The following MIPOL1 variants were observed in gnomAD, a reference collection of about 807,000 sequenced individuals.
MIPOL1 encodes mirror-image polydactyly gene 1 protein.
A neutral mutation model predicts 60.9 loss-of-function variants in MIPOL1; 57 were observed. The ratio of observed to expected loss-of-function variants is 0.94; its 90% CI spans 0.76 to 1.17. The LOEUF (loss-of-function observed/expected upper bound fraction) is 1.17. MIPOL1 is among the 50% of genes most tolerant of loss of function. The probability of loss-of-function intolerance (pLI) is 0.00; values close to 1 mark genes in which losing one functional copy is unlikely to be tolerated. For missense variants in MIPOL1, 551 were observed against 511.6 expected (o/e 1.08, Z -0.74); for synonymous variants, 179 against 168.8 (o/e 1.06, Z -0.47).
chr14:37,472,692 A>G (rs1284487083), intron 11 of MIPOL1, among the ~76,000 whole-genome samples: 1 of 152,118 alleles, frequency 6.6e-6, no homozygotes, highest in Non-Finnish European at 1.5e-5. Flanking sequence ...TAAGGCATCA[A>G]CATCCTATTG....
At chr14:37,297,530 T>A (rs1217984178) in intron 7 of MIPOL1, among the ~76,000 whole-genome samples, 2 of 152,196 alleles carry the variant, frequency 1.3e-5, no homozygotes, top group Non-Finnish European at 2.9e-5. Context: ...TGTTTGCAGA[T>A]GACATGATTG....
At chr14:37,507,768 A>G (rs527703855) in intron 12 of MIPOL1, 2 of 152,314 alleles carry the variant, frequency 1.3e-5, no homozygotes, top group African/African-American at 4.8e-5. Flanking sequence ...ATTAATAAAT[A>G]AAGTAACTTT....
At chr14:37,546,806 C>T in intron 12 of MIPOL1, 99 bp from the exon 13 acceptor site, 1 of 910,912 alleles carries the variant, frequency 1.1e-6, no homozygotes, top group Non-Finnish European at 1.8e-6. Context: ...GTGAGGACTG[C>T]TTGGTCACAG....
At chr14:37,248,038 T>C (rs1973454036) in intron 3 of MIPOL1, 131 bp downstream of exon 3, 1 of 749,334 alleles carries the variant, frequency 1.3e-6, no homozygotes, top group African/African-American at 1.8e-5. Context: ...ACACAAAACA[T>C]GCACACAGAG....
intron 12 of MIPOL1, among the ~76,000 whole-genome samples, chr14:37,524,559 C>CTTTTTTTT (rs1171387928): frequency 5.4e-5 from 1 of 18,500 alleles, no homozygotes; most frequent in Non-Finnish European, 9.0e-5. Context: ...CTTAATTTTT[C>CTTTTTTTT]TTTTTCTTTT....
chr14:37,269,689 T>C (rs988027058), intron 5 of MIPOL1, among the ~76,000 whole-genome samples: 2 of 152,212 alleles, frequency 1.3e-5, no homozygotes, highest in African/African-American at 4.8e-5. Context: ...GATTATTGTC[T>C]TAATTTTGTT....
chr14:37,311,212 G>A (rs1157595898), intron 9 of MIPOL1, among the ~76,000 whole-genome samples: 1 of 152,120 alleles, frequency 6.6e-6, no homozygotes, highest in Admixed American at 6.6e-5. Flanking sequence ...GATGATTTTT[G>A]CATTAAATCT....
At chr14:37,452,670 A>T (rs1249043243) in intron 11 of MIPOL1, among the ~76,000 whole-genome samples, 1 of 152,238 alleles carries the variant, frequency 6.6e-6, no homozygotes, top group African/African-American at 2.4e-5. Context: ...GAATATTGTG[A>T]AAATAAGGAA....
At chr14:37,432,513 A>G (rs1474942751) in intron 11 of MIPOL1, among the ~76,000 whole-genome samples, 1 of 152,206 alleles carries the variant, frequency 6.6e-6, no homozygotes, top group Non-Finnish European at 1.5e-5. Context: ...GATGACATGA[A>G]CCTAGTCCAG....
chr14:37,267,216 G>GA, intron 4 of MIPOL1, 47 bp downstream of exon 4: 2 of 1,442,974 alleles, frequency 1.4e-6, no homozygotes, highest in Non-Finnish European at 1.9e-6. Flanking sequence ...GGCCAGGCGT[G>GA]GTGGCTCATG....
intron 12 of MIPOL1, among the ~76,000 whole-genome samples, chr14:37,509,024 A>T (rs190112803): frequency 6.6e-6 from 1 of 151,700 alleles, no homozygotes; most frequent in Admixed American, 6.6e-5. Context: ...TCTTTCGGGG[A>T]TTACATCTCC....
rs2093742006 is a variant in MIPOL1 at position 37,415,133 on chromosome 14, G to T, written c.937-7722G>T. Among the ~76,000 whole-genome samples, 4 of 151,632 alleles carry T rather than the reference G, an allele frequency of 2.6e-5. No individual in the cohort carries two copies. In the South Asian group the frequency reaches 8.3e-4, roughly 32 times the overall value. On this transcript the variant is annotated intron_variant, in intron 10 of 12. Transcript: ENST00000684589. ...GCTGTAATACTACTTTTTTGCCAGG[G>T]GTCTGTAAAGTTGAGGGAAACACCA...
chr14:37,286,393 G>A (rs1283841716), intron 7 of MIPOL1, among the ~76,000 whole-genome samples: 1 of 152,142 alleles, frequency 6.6e-6, no homozygotes, highest in African/African-American at 2.4e-5. Context: ...GGTTGGGACT[G>A]GAGATTCTGT....
At chr14:37,485,950 T>G (rs1444693738) in intron 11 of MIPOL1, among the ~76,000 whole-genome samples, 1 of 152,144 alleles carries the variant, frequency 6.6e-6, no homozygotes, top group African/African-American at 2.4e-5. Context: ...TCTTCTAGGG[T>G]TTTTATGGTT....
intron 1 of MIPOL1, among the ~76,000 whole-genome samples, chr14:37,202,251 TG>T (rs989963695): frequency 1.3e-5 from 2 of 152,190 alleles, no homozygotes; most frequent in East Asian, 1.9e-4. Flanking sequence ...TATGTATAAT[TG>T]TTTTTTTTAG....
In MIPOL1 at chr14:37,475,067, C is replaced by T. The variant is rs372406611; in HGVS notation, c.1032-24841C>T. Among the ~76,000 whole-genome samples the T allele has an allele frequency of 9.9e-5, 15 of 151,992 alleles. 1 individual carries two copies. In the South Asian group the frequency reaches 1.2e-3, roughly 13 times the overall value. ...GCAGTCTCCACCTCCCGGGTTCAAG[C>T]GATACGCCTGCCTCAGCGTCCTGAG... On this transcript the variant is annotated intron_variant, in intron 11 of 12. Coordinates refer to ENST00000684589, the MANE Select transcript of MIPOL1 (RefSeq NM_001388067.1).
intron 11 of MIPOL1, among the ~76,000 whole-genome samples, chr14:37,430,294 A>G (rs2094037536): frequency 6.6e-6 from 1 of 152,146 alleles, no homozygotes; most frequent in African/African-American, 2.4e-5. Flanking sequence ...TACTTCTCAC[A>G]TTTTATGAAA....
chr14:37,389,907 A>G (rs955862307), intron 10 of MIPOL1, among the ~76,000 whole-genome samples: 2 of 152,000 alleles, frequency 1.3e-5, no homozygotes, highest in South Asian at 2.1e-4. Flanking sequence ...CAGCTGTTTT[A>G]TAAGAACTAG....
At chr14:37,205,765 A>G (rs1965982892) in intron 1 of MIPOL1, among the ~76,000 whole-genome samples, 2 of 152,120 alleles carry the variant, frequency 1.3e-5, no homozygotes, top group South Asian at 4.1e-4. Context: ...GATGGTTTCC[A>G]GCTTCATCCA....
Sources: allele counts gnomAD v4.1 joint callset (sites outside exome capture counted in the v4.1 genomes callset), GRCh38; gene constraint gnomAD v4.1.1; transcripts MANE v1.5; gene names NCBI Gene and HGNC (gene_info 2026-07-23, HGNC 2026-07-21).